Variants in GSE1 observed in about 807,000 individuals in gnomAD.
The protein encoded by GSE1 is genetic suppressor element 1.
A neutral mutation model predicts 112.6 loss-of-function variants in GSE1; 32 were observed. That is an observed-to-expected ratio of 0.28 (90% CI 0.21 to 0.38). GSE1 has a LOEUF of 0.38. Among genes scored for constraint, GSE1 ranks in the 10% least tolerant of loss-of-function variants. GSE1 has a pLI of 1.00. For missense variants in GSE1, 2,348 were observed against 1,699.2 expected, an observed-to-expected ratio of 1.38 and a Z score of -6.71; for synonymous variants, 1,115 against 735.6, an observed-to-expected ratio of 1.52 and a Z score of -8.35.
At chr16:85,299,784 A>G (rs1373340005) in intron 1 of GSE1, among the ~76,000 whole-genome samples, 2 of 152,002 alleles carry the variant, frequency 1.3e-5, no homozygotes, top group African/African-American at 2.4e-5. Context: ...TAAAAATAAG[A>G]AAAAATTTAG....
At chr16:85,526,542 G>C (rs1480515973) in intron 2 of GSE1, among the ~76,000 whole-genome samples, 1 of 152,236 alleles carries the variant, frequency 6.6e-6, no homozygotes, top group Admixed American at 6.5e-5. Context: ...AGCAAGGCTG[G>C]GTCAGCCGGG....
At chr16:85,346,495 GTAGA>G (rs1284158612) in intron 1 of GSE1, among the ~76,000 whole-genome samples, 2 of 147,614 alleles carry the variant, frequency 1.4e-5, no homozygotes, top group Admixed American at 6.8e-5. Flanking sequence ...TGATGGACAG[GTAGA>G]TAGATGGGTG....
intron 2 of GSE1, among the ~76,000 whole-genome samples, chr16:85,384,092 G>C (rs573538355): frequency 6.6e-6 from 1 of 152,080 alleles, no homozygotes; most frequent in Non-Finnish European, 1.5e-5. Flanking sequence ...CGTCTCCCTC[G>C]ACCCTCCGGC....
intron 1 of GSE1, among the ~76,000 whole-genome samples, chr16:85,266,746 G>T (rs1908286373): frequency 6.6e-6 from 1 of 151,740 alleles, no homozygotes; most frequent in African/African-American, 2.4e-5. Context: ...GTATGCTGGG[G>T]CTGGGAGGGG....
chr16:85,503,967 G>C (rs1177967245), intron 2 of GSE1, among the ~76,000 whole-genome samples: 19 of 152,222 alleles, frequency 1.2e-4, no homozygotes, highest in Admixed American at 1.2e-3. Flanking sequence ...CCCTTCATTA[G>C]GAGGGAGGGT....
chr16:85,397,280 C>T (rs993252784), intron 2 of GSE1, among the ~76,000 whole-genome samples: 15 of 152,322 alleles, frequency 9.8e-5, no homozygotes, highest in Middle Eastern at 3.4e-3. Context: ...GACTGGAGGG[C>T]CCAGGGCCAC....
At chr16:85,383,684 C>T (rs923452424) in intron 2 of GSE1, among the ~76,000 whole-genome samples, 1 of 152,182 alleles carries the variant, frequency 6.6e-6, no homozygotes, top group Non-Finnish European at 1.5e-5. Flanking sequence ...TCATGGGTGT[C>T]TGTCCACTTG....
chr16:85,590,381 TTGTGTGAACATGTGTGACATTGTG>T (rs2046944985), intron 1 of GSE1, among the ~76,000 whole-genome samples: 1 of 145,586 alleles, frequency 6.9e-6, no homozygotes, highest in African/African-American at 2.6e-5. Context: ...GTGTGTGAGA[TTGTGTGAACATGTGTGACATTGTG>T]TGTGTGAACA....
chr16:85,634,058 C>T lies in GSE1; in HGVS notation c.152C>T (p.Ser51Leu), dbSNP rs556048268. Residue 51 changes from serine (S) to leucine (L), a missense_variant, in exon 2 of 16, where the codon TCG (serine) becomes TTG (leucine). Transcript: ENST00000253458. Reference protein sequence around the residue: ...SGSPATSSALSAQAAPSSSFA... With the variant: ...SGSPATSSALLAQAAPSSSFA... ...AGCCCCGCCACCAGCAGCGCGCTGTCGGCCCAGGCCGCGCCATCCTCCAGC... is the reference window on the plus strand; with the variant it reads ...AGCCCCGCCACCAGCAGCGCGCTGTTGGCCCAGGCCGCGCCATCCTCCAGC... 38 of 1,607,568 alleles carry T rather than the reference C, an allele frequency of 2.4e-5. 1 individual carries two copies. Among genetic ancestry groups the T allele is most frequent in the South Asian group, 7.7e-5 (7 of 90,610 alleles).
intron 2 of GSE1, among the ~76,000 whole-genome samples, chr16:85,450,320 G>A (rs1334154570): frequency 6.6e-6 from 1 of 151,438 alleles, no homozygotes; most frequent in South Asian, 2.1e-4. Flanking sequence ...GTTTCTCCAT[G>A]TTGGTCAGGC....
intron 1 of GSE1, among the ~76,000 whole-genome samples, chr16:85,248,037 G>A (rs1055406101): frequency 6.6e-6 from 1 of 152,244 alleles, no homozygotes; most frequent in Non-Finnish European, 1.5e-5. Context: ...GCTTACTTAA[G>A]GCCTGCCTGG....
At chr16:85,421,917 C>T (rs966373213) in intron 2 of GSE1, among the ~76,000 whole-genome samples, 15 of 152,136 alleles carry the variant, frequency 9.9e-5, no homozygotes, top group Non-Finnish European at 1.6e-4. Context: ...CTGGCAGGCC[C>T]ATGCTGAGGG....
intron 1 of GSE1, among the ~76,000 whole-genome samples, chr16:85,352,698 C>G (rs1446131848): frequency 6.6e-6 from 1 of 152,220 alleles, no homozygotes; most frequent in Admixed American, 6.5e-5. Context: ...TTTGTCTCCA[C>G]CTTCAAGATG....
intron 1 of GSE1, among the ~76,000 whole-genome samples, chr16:85,577,832 C>T (rs182776077): frequency 6.6e-6 from 1 of 152,240 alleles, no homozygotes; most frequent in African/African-American, 2.4e-5. Context: ...CTTTTCCACT[C>T]CAGTCCTCCA....
chr16:85,463,463 G>A (rs1216388016), intron 2 of GSE1, among the ~76,000 whole-genome samples: 1 of 152,148 alleles, frequency 6.6e-6, no homozygotes, highest in African/African-American at 2.4e-5. Flanking sequence ...GCACCGCAGG[G>A]CTCTGCCTTA....
intron 1 of GSE1, among the ~76,000 whole-genome samples, chr16:85,175,544 G>A (rs897486467): frequency 6.6e-6 from 1 of 152,236 alleles, no homozygotes; most frequent in African/African-American, 2.4e-5. Context: ...CAGTGGGGTT[G>A]CGGATGCGTT....
intron 1 of GSE1, among the ~76,000 whole-genome samples, chr16:85,182,904 C>G (rs1567594407): frequency 1.3e-5 from 2 of 152,074 alleles, no homozygotes; most frequent in Non-Finnish European, 2.9e-5. Flanking sequence ...CTCTCGCACA[C>G]ACGCACCTTG....
At chr16:85,431,165 T>C (rs1362313865) in intron 2 of GSE1, among the ~76,000 whole-genome samples, 1 of 152,136 alleles carries the variant, frequency 6.6e-6, no homozygotes, top group Non-Finnish European at 1.5e-5. Context: ...CTGCAAAACC[T>C]CTCAGTCTAG....
chr16:85,636,770 CA>C (rs1157040721), intron 2 of GSE1, among the ~76,000 whole-genome samples: 1 of 152,154 alleles, frequency 6.6e-6, no homozygotes, highest in Admixed American at 6.5e-5. Flanking sequence ...AAGCCCCCCT[CA>C]CCCCTAGCAC....
Sources: gnomAD v4.1 joint callset for allele counts (sites outside exome capture counted in the v4.1 genomes callset) on GRCh38, gnomAD v4.1.1 for gene constraint, MANE v1.5 for transcripts, NCBI Gene and HGNC (gene_info 2026-07-23, HGNC 2026-07-21) for gene names.